Variants in ADAMTS14 observed in about 807,000 individuals in gnomAD.
ADAMTS14 encodes ADAM metallopeptidase with thrombospondin type 1 motif 14.
Under a neutral mutation model 128.6 loss-of-function variants are expected in ADAMTS14, and 100 were observed. The ratio of observed to expected loss-of-function variants is 0.78; its 90% confidence interval spans 0.66 to 0.92. ADAMTS14 has a LOEUF of 0.92. Among genes scored for constraint, ADAMTS14 ranks in the 40% least tolerant of loss-of-function variants. The pLI is 0.00. For synonymous variants in ADAMTS14, 665 were observed against 653.8 expected (o/e 1.02, Z -0.26); for missense variants, 1,562 against 1,658.6 (o/e 0.94, Z 1.01).
rs1254409050 is a variant in ADAMTS14 at position 70,672,558 on chromosome 10, C to T, written c.-245C>T. Among the ~76,000 whole-genome samples, 2 of 151,306 alleles carry T rather than the reference C, an allele frequency of 1.3e-5. No individual in the cohort carries two copies. The highest frequency in any genetic ancestry group is 4.8e-5 in the African/African-American group (2 of 41,346). ...CGGCAGTTGGCACCGGGTGCGCTGG[C>T]GCGTCAGTGGCCCCGCTCTCCAGCC... is the stretch of plus-strand genomic sequence containing the variant. On this transcript the variant is annotated 5_prime_UTR_variant, in exon 1 of 22. Coordinates refer to ENST00000373207, the MANE Select transcript of ADAMTS14 (RefSeq NM_080722.4).
At chr10:70,730,413 G>T (rs1459719725) in intron 6 of ADAMTS14, among the ~76,000 whole-genome samples, 164 bp downstream of exon 6, 1 of 152,228 alleles carries the variant, frequency 6.6e-6, no homozygotes, top group Non-Finnish European at 1.5e-5. Flanking sequence ...GGTTTATTGG[G>T]ACCGTGGGAA....
chr10:70,683,004 G>C (rs772600977), intron 2 of ADAMTS14, among the ~76,000 whole-genome samples: 1 of 152,220 alleles, frequency 6.6e-6, no homozygotes, highest in East Asian at 1.9e-4. Flanking sequence ...AGCATTTGTC[G>C]TCCTCTCCGT....
chr10:70,709,947 A>G (rs1176611699), intron 4 of ADAMTS14, among the ~76,000 whole-genome samples: 1 of 152,180 alleles, frequency 6.6e-6, no homozygotes, highest in Non-Finnish European at 1.5e-5. Flanking sequence ...GGGTGAGAGC[A>G]TATGGCCTTT....
intron 4 of ADAMTS14, among the ~76,000 whole-genome samples, 160 bp from the exon 5 acceptor site, chr10:70,729,134 C>T (rs1294369154): frequency 6.6e-6 from 1 of 152,002 alleles, no homozygotes; most frequent in Non-Finnish European, 1.5e-5. Context: ...GTCATTTTGC[C>T]CCCTCAGTCT....
chr10:70,704,532 C>G (rs1477513121), intron 3 of ADAMTS14, among the ~76,000 whole-genome samples: 1 of 150,358 alleles, frequency 6.7e-6, no homozygotes, highest in East Asian at 1.9e-4. Flanking sequence ...TACACCCACA[C>G]TCACACATAG....
intron 6 of ADAMTS14, 134 bp from the exon 7 acceptor site, chr10:70,732,120 G>A: frequency 1.3e-6 from 1 of 781,964 alleles, no homozygotes; most frequent in Non-Finnish European, 2.2e-6. Context: ...GGGACTTTGT[G>A]AGCATCTGTC....
At chr10:70,716,966 C>T (rs1310831845) in intron 4 of ADAMTS14, among the ~76,000 whole-genome samples, 1 of 152,230 alleles carries the variant, frequency 6.6e-6, no homozygotes, top group African/African-American at 2.4e-5. Context: ...GGGCTCCCCG[C>T]TCAGCCTTGT....
chr10:70,751,445 C>G (rs1175448346), intron 16 of ADAMTS14, 33 bp from the exon 17 acceptor site: 1 of 1,588,950 alleles, frequency 6.3e-7, no homozygotes, highest in Non-Finnish European at 8.6e-7. Flanking sequence ...GCTTCTTTCT[C>G]TGGTCCTGTG....
intron 10 of ADAMTS14, among the ~76,000 whole-genome samples, chr10:70,737,104 A>G (rs755304443): frequency 1.3e-5 from 2 of 152,168 alleles, no homozygotes; most frequent in African/African-American, 2.4e-5. Flanking sequence ...AATGGGGCCC[A>G]GGCAGGTTGA....
At chr10:70,714,108 G>A (rs1269664060) in intron 4 of ADAMTS14, among the ~76,000 whole-genome samples, 3 of 152,128 alleles carry the variant, frequency 2.0e-5, no homozygotes, top group Non-Finnish European at 4.4e-5. Flanking sequence ...TGGGAGGATC[G>A]CTGGAGCCCA....
chr10:70,708,468 T>A lies in ADAMTS14; in HGVS notation c.680-120T>A, dbSNP rs933551462. The A allele has an allele frequency of 7.0e-6, 6 of 857,556 alleles. No individual in the cohort carries two copies. In the African/African-American group the frequency reaches 8.5e-5, roughly 12 times the overall value. 53.1% of individuals were successfully genotyped at this position (857,556 alleles called of 1,614,324 possible). On this transcript the variant is annotated intron_variant, in intron 3 of 21. Transcript: ENST00000373207. ...GTATGGAGCAATCCCTCATACTACT[T>A]TACTTACAGAGGCAGGGAAAGGGGC... is the stretch of plus-strand genomic sequence containing the variant.
intron 2 of ADAMTS14, among the ~76,000 whole-genome samples, chr10:70,685,646 G>C (rs1839931031): frequency 6.6e-6 from 1 of 152,170 alleles, no homozygotes; most frequent in African/African-American, 2.4e-5. Context: ...CAAGGTTCCT[G>C]ACTCCCAGGC....
intron 2 of ADAMTS14, among the ~76,000 whole-genome samples, chr10:70,678,595 C>G (rs144062087): frequency 7.4e-6 from 1 of 135,136 alleles, no homozygotes; most frequent in Non-Finnish European, 1.6e-5. Context: ...AGAAGACACG[C>G]GGGGCAGGGG....
chr10:70,685,838 G>C (rs1249366574), intron 2 of ADAMTS14, among the ~76,000 whole-genome samples: 1 of 152,154 alleles, frequency 6.6e-6, no homozygotes, highest in Non-Finnish European at 1.5e-5. Context: ...AAGGGGCCTG[G>C]GGGTACTGAG....
Position 70,733,917 on chromosome 10 carries a change from G to C in ADAMTS14, c.1241G>C (p.Gly414Ala). The C allele has an allele frequency of 6.2e-7, 1 of 1,613,854 alleles. No homozygotes were observed. The highest frequency in any genetic ancestry group is 8.5e-7 in the Non-Finnish European group (1 of 1,179,954). The change falls in exon 8 of 22, where the codon GGC (glycine) becomes GCC (alanine). Residue 414 changes from glycine (G) to alanine (A), a missense_variant. Gly to Ala is a moderately conservative substitution (Grantham distance 60). Coordinates refer to ENST00000373207, the MANE Select transcript of ADAMTS14 (RefSeq NM_080722.4). ...LGMEHDGQGN[G>A]CADETSLGSV... ...ATGGAGCATGACGGTCAGGGGAATG[G>C]CTGTGCAGATGAGACCAGCCTGGGC...
intron 16 of ADAMTS14, among the ~76,000 whole-genome samples, chr10:70,750,843 T>C (rs1459908008): frequency 6.6e-6 from 1 of 152,080 alleles, no homozygotes; most frequent in African/African-American, 2.4e-5. Context: ...TACACAAATA[T>C]TAACTCAAAA....
chr10:70,679,518 A>G (rs913287291), intron 2 of ADAMTS14, among the ~76,000 whole-genome samples: 2 of 152,018 alleles, frequency 1.3e-5, no homozygotes, highest in Non-Finnish European at 2.9e-5. Context: ...GGGTCGGCAG[A>G]GTGGGGTCCC....
In ADAMTS14 at chr10:70,743,551, C is replaced by A; in HGVS notation, c.1928C>A (p.Ala643Asp). 6.2e-7 allele frequency: 1 copy of A among 1,612,576 alleles called. No homozygotes were observed. Among genetic ancestry groups the A allele is most frequent in the East Asian group, 2.2e-5 (1 of 44,842 alleles). ...SWVPYEPDDDAQKCELICQSA... is the reference protein window; with the variant it reads ...SWVPYEPDDDDQKCELICQSA... Reference sequence around the variant, plus strand: ...AGCATAGTCCCTCTCCCTACAGACGCCCAGAAGTGTGAGCTGATCTGCCAG... The same window carrying A: ...AGCATAGTCCCTCTCCCTACAGACGACCAGAAGTGTGAGCTGATCTGCCAG... The change falls in exon 13 of 22, where the codon GCC becomes GAC. Residue 643 changes from alanine (A) to aspartate (D), a missense_variant. By Grantham distance (126) the Ala-to-Asp change is moderately radical. Coordinates refer to ENST00000373207, the MANE Select transcript of ADAMTS14 (RefSeq NM_080722.4).
Position 70,672,817 on chromosome 10 carries a change from C to T in ADAMTS14, c.15C>T (p.Arg5=), listed in dbSNP as rs1181972791. Reference sequence around the variant, plus strand: ...AGCGCGGCCACATGGCTCCACTCCGCGCGCTGCTGTCCTACCTGCTGCCTT... The same window carrying T: ...AGCGCGGCCACATGGCTCCACTCCGTGCGCTGCTGTCCTACCTGCTGCCTT... MAPL[R]ALLSYLLPLH... is the part of the protein sequence containing the mutation. The change falls in exon 1 of 22, where the codon CGC becomes CGT. Residue 5 remains arginine (R), a synonymous_variant. Coordinates refer to ENST00000373207, the MANE Select transcript of ADAMTS14 (RefSeq NM_080722.4). 2 of 1,512,178 alleles carry T rather than the reference C, an allele frequency of 1.3e-6. No individual in the cohort carries two copies. Among genetic ancestry groups the T allele is most frequent in the East Asian group, 2.8e-5 (1 of 36,318 alleles). The allele number at this position is 1,512,178 out of a possible 1,614,324, so 93.7% of individuals were successfully genotyped here. A position where few individuals can be genotyped will look rare whatever the true frequency, so the allele number is the denominator to read the frequency against.
Sources: gnomAD v4.1 joint callset for allele counts (sites outside exome capture counted in the v4.1 genomes callset) on GRCh38, gnomAD v4.1.1 for gene constraint, MANE v1.5 for transcripts, NCBI Gene and HGNC (gene_info 2026-07-23, HGNC 2026-07-21) for gene names.